MEN1: variants seen among roughly 807,000 people sequenced by gnomAD.
MEN1 encodes menin.
A neutral mutation model predicts 58.0 loss-of-function variants in MEN1; 6 were observed. The observed-to-expected ratio is 0.10, with a 90% CI of 0.06 to 0.20. The LOEUF (loss-of-function observed/expected upper bound fraction) is 0.20, where lower values mean the gene tolerates loss of function less well. Ranked by LOEUF, MEN1 falls within the 10% of genes least tolerant of loss-of-function variation. MEN1 has a pLI of 1.00. For synonymous variants in MEN1, 346 were observed against 350.7 expected, an observed-to-expected ratio of 0.99 and a Z score of 0.15; for missense variants, 492 against 818.5, an observed-to-expected ratio of 0.60 and a Z score of 4.87.
Position 64,807,599 on chromosome 11 carries a change from A to C in MEN1, c.736T>G (p.Ser246Ala), listed in dbSNP as rs1175283759. 2 of 1,613,980 alleles carry C rather than the reference A, an allele frequency of 1.2e-6. No homozygotes were observed. Among genetic ancestry groups the C allele is most frequent in the African/African-American group, 2.7e-5 (2 of 74,898 alleles). Residue 246 changes from serine (S) to alanine (A), a missense_variant, in exon 4 of 10, where the codon TCC becomes GCC. Physicochemically the swap from Ser to Ala is moderately conservative, Grantham distance 99. Coordinates refer to ENST00000450708, the MANE Select transcript of MEN1 (RefSeq NM_001370259.2). This position sits in a 1 kb window ranked among gnomAD's most constrained non-coding sequence, Gnocchi z 4.9. ...AGCGAGTCGGTGTGCAGGTCAATGG[A>C]AGGGTTGATGGCACACACCATGAAC... ...VAFMVCAINP[S>A]IDLHTDSLEL...
upstream of MEN1, chr11:64,810,872 C>A (rs1277715993): frequency 6.6e-6 from 1 of 152,118 alleles, no homozygotes; most frequent in East Asian, 1.9e-4. Flanking sequence ...TGTCACGGGT[C>A]GGTCGGCAAG....
chr11:64,809,539 C>T (rs1205903261), intron 2 of MEN1, 126 bp downstream of exon 2: 3 of 1,231,620 alleles, frequency 2.4e-6, no homozygotes, highest in South Asian at 2.8e-5. Flanking sequence ...AGTTTCCCAA[C>T]TGCAAAGAGG....
At position 64,807,446 on chromosome 11, in the gene MEN1, C is replaced by A; in HGVS notation, c.783+106G>T. 1 of 1,287,506 alleles carries A rather than the reference C, an allele frequency of 7.8e-7. No homozygotes were observed. Among genetic ancestry groups the A allele is most frequent in the East Asian group, 2.4e-5 (1 of 41,426 alleles). The allele number at this position is 1,287,506 out of a possible 1,614,324, so 79.8% of individuals were successfully genotyped here. A position where few individuals can be genotyped will look rare whatever the true frequency, so the allele number is the denominator to read the frequency against. ...GCCAGGAATTACTAACCCATTTTTC[C>A]AGGAGGGGAAGCTGAAGCTCAGGAA... is the stretch of plus-strand genomic sequence containing the variant. On this transcript the variant is annotated intron_variant, in intron 4 of 9. Transcript: ENST00000450708. This position sits in a 1 kb window ranked among gnomAD's most constrained non-coding sequence, Gnocchi z 4.9.
chr11:64,806,470 TC>T, intron 6 of MEN1, 102 bp from the exon 7 acceptor site: 4 of 1,337,566 alleles, frequency 3.0e-6, no homozygotes, highest in Non-Finnish European at 4.3e-6. Flanking sequence ...CACAGGAAGA[TC>T]CCAGGGAGTC....
intron 6 of MEN1, 92 bp from the exon 7 acceptor site, chr11:64,806,460 C>A: frequency 6.8e-7 from 1 of 1,465,512 alleles, no homozygotes. Flanking sequence ...CAGAAGGGGC[C>A]ACAGGAAGAT....
rs1592631128 is a variant in MEN1, at chr11:64,804,576, C to G, written c.1591G>C (p.Gly531Arg). 1.2e-6 allele frequency: 2 copies of G among 1,612,744 alleles called. No individual in the cohort carries two copies. The highest frequency in any genetic ancestry group is 1.7e-6 in the Non-Finnish European group (2 of 1,179,964). The change falls in exon 10 of 10, where the codon GGT (glycine) becomes CGT (arginine). Residue 531 changes from glycine (G) to arginine (R), a missense_variant. Transcript: ENST00000450708. This position sits in a 1 kb window ranked among gnomAD's most constrained non-coding sequence, Gnocchi z 4.2. Reference protein sequence around the residue: ...TVAGTARGPEGGSTAQVPAPT... With the variant: ...TVAGTARGPERGSTAQVPAPT... ...GCTGGCACCTGAGCCGTGCTGCCAC[C>G]TTCAGGGCCTCGGGCTGTGCCAGCG... is the stretch of plus-strand genomic sequence containing the variant.
At chr11:64,805,858 A>G (rs2136112784) in intron 7 of MEN1, 88 bp from the exon 8 acceptor site, 1 of 1,383,740 alleles carries the variant, frequency 7.2e-7, no homozygotes. Context: ...TGGAGCCCCC[A>G]GGGGCTGGGG....
rs1187952077 is a variant in MEN1, at chr11:64,805,227, T to A, written c.1186-29A>T. 1.9e-6 allele frequency: 3 copies of A among 1,610,636 alleles called. No individual in the cohort carries two copies. In the South Asian group the frequency reaches 3.3e-5, roughly 18 times the overall value. The stretch of plus-strand genomic sequence containing the variant: ...GACGAGGGGGAAGGGAGGGCACAGA[T>A]CAGTCTCTTACTCACCCCTTAGCAG... On this transcript the variant is annotated intron_variant, in intron 8 of 9. Coordinates refer to ENST00000450708, the MANE Select transcript of MEN1 (RefSeq NM_001370259.2).
At position 64,809,920 on chromosome 11, in the gene MEN1, G is replaced by T. The variant is rs1592659770; in HGVS notation, c.190C>A (p.Gln64Lys). The change falls in exon 2 of 10, where the codon CAG (glutamine) becomes AAG (lysine). Residue 64 changes from glutamine (Q) to lysine (K), a missense_variant. Coordinates refer to ENST00000450708, the MANE Select transcript of MEN1 (RefSeq NM_001370259.2). The part of the protein sequence containing the change: ...IPTNVPELTF[Q>K]PSPAPDPPGG... The stretch of plus-strand genomic sequence containing the variant: ...GGCGGGTCGGGGGCGGGGCTGGGCT[G>T]GAAGGTGAGCTCGGGAACGTTGGTA... 1 of 1,586,336 alleles carries T rather than the reference G, an allele frequency of 6.3e-7. No individual in the cohort carries two copies. The highest frequency in any genetic ancestry group is 2.3e-5 in the East Asian group (1 of 43,122).
rs371556177 is a variant in MEN1, at chr11:64,807,195, G to A, written c.808C>T (p.Leu270=). 7 of 1,613,822 alleles carry A rather than the reference G, an allele frequency of 4.3e-6. No individual in the cohort carries two copies. The African/African-American group carries it at 6.7e-5, about 15-fold the overall frequency. The stretch of plus-strand genomic sequence containing the variant: ...TCTACTGACCTTTCCAGATGTCCCA[G>A]GTCATAGAGCAGCCAGAGCAGCTTC... ...QQKLLWLLYD[L]GHLERYPMAL... is the part of the protein sequence containing the mutation. Residue 270 remains leucine (L), a synonymous_variant, in exon 5 of 10, where the codon CTG becomes TTG. Transcript: ENST00000450708. The surrounding 1 kb of genome is among the most constrained non-coding windows in gnomAD (Gnocchi z 4.9).
chr11:64,810,391 A>C, intron 1 of MEN1, 123 bp downstream of exon 1: 1 of 502,366 alleles, frequency 2.0e-6, no homozygotes, highest in Non-Finnish European at 3.6e-6. Flanking sequence ...GAGGAGCCCC[A>C]ATGGCCGCCC....
rs1942006847 is a variant in MEN1 at position 64,809,925 on chromosome 11, G to T, written c.185C>A (p.Thr62Asn). The T allele has an allele frequency of 3.2e-6, 5 of 1,585,228 alleles. No homozygotes were observed. Among genetic ancestry groups the T allele is most frequent in the Non-Finnish European group, 4.3e-6 (5 of 1,165,734 alleles). Residue 62 changes from threonine to asparagine, a missense_variant, in exon 2 of 10, where the codon ACC becomes AAC. Thr to Asn is a moderately conservative substitution (Grantham distance 65). Coordinates refer to ENST00000450708, the MANE Select transcript of MEN1 (RefSeq NM_001370259.2). ...GTCGGGGGCGGGGCTGGGCTGGAAG[G>T]TGAGCTCGGGAACGTTGGTAGGGAT... is the stretch of plus-strand genomic sequence containing the variant. ...RVIPTNVPELTFQPSPAPDPP... is the reference protein window; with the variant it reads ...RVIPTNVPELNFQPSPAPDPP...
At position 64,809,761 on chromosome 11, in the gene MEN1, G is replaced by A. The variant is rs1941984891; in HGVS notation, c.349C>T (p.Leu117=). 1 of 1,614,042 alleles carries A rather than the reference G, an allele frequency of 6.2e-7. No individual in the cohort carries two copies. The highest frequency in any genetic ancestry group is 8.5e-7 in the Non-Finnish European group (1 of 1,180,042). ...ATGACATCGGAGACCTTCTTCACCAGCTCACGGCTGGAGACACCCCCTTCT... is the reference window on the plus strand; with the variant it reads ...ATGACATCGGAGACCTTCTTCACCAACTCACGGCTGGAGACACCCCCTTCT... ...PREGGVSSRE[L]VKKVSDVIWN... Residue 117 remains leucine (L), a synonymous_variant, in exon 2 of 10, where the codon CTG becomes TTG. Transcript: ENST00000450708.
rs774166628 is a variant in MEN1 at position 64,807,170 on chromosome 11, T to G, written c.824+9A>C. The G allele has an allele frequency of 1.9e-6, 3 of 1,613,896 alleles. No individual in the cohort carries two copies. The South Asian group carries it at 3.3e-5, about 18-fold the overall frequency. On this transcript the variant is annotated intron_variant, in intron 5 of 9. Transcript: ENST00000450708. The surrounding 1 kb of genome is among the most constrained non-coding windows in gnomAD (Gnocchi z 4.9). Reference sequence around the variant, plus strand: ...ACCAGGCGCAGCCTGGCCACTTCCCTCTACTGACCTTTCCAGATGTCCCAG... The same window carrying G: ...ACCAGGCGCAGCCTGGCCACTTCCCGCTACTGACCTTTCCAGATGTCCCAG...
chr11:64,804,430 G>A lies in MEN1; in HGVS notation c.1737C>T (p.Leu579=), dbSNP rs775371274. The change falls in exon 10 of 10, where the codon CTC becomes CTT. Residue 579 remains leucine, a synonymous_variant. Coordinates refer to ENST00000450708, the MANE Select transcript of MEN1 (RefSeq NM_001370259.2). The surrounding 1 kb of genome is among the most constrained non-coding windows in gnomAD (Gnocchi z 4.2). ...TCATCTGCACTTGCGACTGTGCCGT[G>A]AGTTGCAGCTTGATGGCGCTCGAGT... ...KINSSAIKLQ[L]TAQSQVQMKK... is the part of the protein sequence containing the mutation. 1 of 1,614,194 alleles carries A rather than the reference G, an allele frequency of 6.2e-7. No individual in the cohort carries two copies. The highest frequency in any genetic ancestry group is 8.5e-7 in the Non-Finnish European group (1 of 1,180,028).
In MEN1 at chr11:64,804,084, C is replaced by A. The variant is rs1941463325; in HGVS notation, c.*250G>T. The A allele has an allele frequency of 5.4e-6, 3 of 552,810 alleles. No homozygotes were observed. In the South Asian group the frequency reaches 6.1e-5, roughly 11 times the overall value. The allele number at this position is 552,810 out of a possible 1,614,324, so 34.2% of individuals were successfully genotyped here. A position where few individuals can be genotyped will look rare whatever the true frequency, so the allele number is the denominator to read the frequency against. On this transcript the variant is annotated 3_prime_UTR_variant, in exon 10 of 10. Coordinates refer to ENST00000450708, the MANE Select transcript of MEN1 (RefSeq NM_001370259.2). The surrounding 1 kb of genome is among the most constrained non-coding windows in gnomAD (Gnocchi z 4.2). The stretch of plus-strand genomic sequence containing the variant: ...TTAAAGACTGGTAATTAGGACCCAG[C>A]GTGAGGTTTCCATTGGCCGGCTGGG...
In MEN1 at chr11:64,805,995, T is replaced by A. The variant is rs942876693; in HGVS notation, c.1050-225A>T. 9.3e-6 allele frequency: 6 copies of A among 646,460 alleles called. No individual in the cohort carries two copies. In the African/African-American group the frequency reaches 1.1e-4, roughly 12 times the overall value. The allele number at this position is 646,460 out of a possible 1,614,324, so 40.0% of individuals were successfully genotyped here. On this transcript the variant is annotated intron_variant, in intron 7 of 9. Transcript: ENST00000450708. ...ACTGCTGGATGATGGTGGTTAAACATTGGAGATTTGAGACTGTTCTGAGAA... is the reference window on the plus strand; with the variant it reads ...ACTGCTGGATGATGGTGGTTAAACAATGGAGATTTGAGACTGTTCTGAGAA...
Position 64,807,404 on chromosome 11 carries a change from G to A in MEN1, c.783+148C>T. ...ACATCTCAATTCTACTCTCCCAAGA[G>A]CCCTGGGAAAGGCCAGGCCAGGAAT... On this transcript the variant is annotated intron_variant, in intron 4 of 9. Transcript: ENST00000450708. This position sits in a 1 kb window ranked among gnomAD's most constrained non-coding sequence, Gnocchi z 4.9. The A allele has an allele frequency of 1.9e-6, 2 of 1,054,032 alleles. No homozygotes were observed. The highest frequency in any genetic ancestry group is 2.7e-5 in the South Asian group (2 of 74,278). The allele number at this position is 1,054,032 out of a possible 1,614,324, so 65.3% of individuals were successfully genotyped here. A position where few individuals can be genotyped will look rare whatever the true frequency, so the allele number is the denominator to read the frequency against.
intron 6 of MEN1, 95 bp downstream of exon 6, chr11:64,806,916 A>G: frequency 9.0e-7 from 1 of 1,114,614 alleles, no homozygotes; most frequent in Non-Finnish European, 1.3e-6. Context: ...GATACCCCCC[A>G]ACACACAAAG....
Sources: allele counts gnomAD v4.1 joint callset, GRCh38; gene constraint gnomAD v4.1.1; non-coding constraint Gnocchi (gnomAD v3.1); transcripts MANE v1.5; gene names NCBI Gene and HGNC (gene_info 2026-07-23, HGNC 2026-07-21).